NOX3: variants seen among roughly 807,000 people sequenced by gnomAD.
NOX3 encodes the protein NADPH oxidase 3, also known as NADPH oxidase catalytic subunit-like 3.
In NOX3, 74 loss-of-function variants were observed where a neutral mutation model predicts 76.7. The observed-to-expected ratio is 0.96, with a 90% CI of 0.80 to 1.17. The LOEUF (loss-of-function observed/expected upper bound fraction) is 1.17, where lower values mean the gene tolerates loss of function less well. Among genes scored for constraint, NOX3 ranks in the 50% most tolerant of loss-of-function variants. The probability of loss-of-function intolerance (pLI) is 0.00; values close to 1 mark genes in which losing one functional copy is unlikely to be tolerated. For missense variants in NOX3, 695 were observed against 703.3 expected (o/e 0.99, Z 0.13); for synonymous variants, 263 against 261.1 (o/e 1.01, Z -0.07).
At chr6:155,428,593 T>C (rs560992477) in intron 9 of NOX3, among the ~76,000 whole-genome samples, 127 of 151,200 alleles carry the variant, frequency 8.4e-4, no homozygotes, top group African/African-American at 2.8e-3. Context: ...TTTCTTTTTT[T>C]TTTTTTTTTT....
At position 155,430,887 on chromosome 6, in the gene NOX3, T is replaced by A. The variant is rs1241300456; in HGVS notation, c.847A>T (p.Ile283Leu). The A allele has an allele frequency of 1.2e-6, 2 of 1,613,614 alleles. No homozygotes were observed. Among genetic ancestry groups the A allele is most frequent in the Non-Finnish European group, 1.7e-6 (2 of 1,179,640 alleles). Residue 283 changes from isoleucine to leucine, a missense_variant, in exon 8 of 14, where the codon ATA becomes TTA. Ile to Leu is a conservative substitution (Grantham distance 5). Transcript: ENST00000159060. ...GPVVLYACER[I>L]IRFWRFQQEV... ...TGTTGAAATCGCCAGAACCTAATTA[T>A]TCTTTCACATGCATACAAGACCACA...
intron 13 of NOX3, among the ~76,000 whole-genome samples, chr6:155,396,246 T>C (rs917968970): frequency 6.6e-6 from 1 of 152,194 alleles, no homozygotes; most frequent in African/African-American, 2.4e-5. Flanking sequence ...ATAACCTCCA[T>C]TGGTGATTTC....
chr6:155,408,872 A>G (rs985416379), intron 11 of NOX3, among the ~76,000 whole-genome samples: 2 of 151,862 alleles, frequency 1.3e-5, no homozygotes. Flanking sequence ...AATACTCTAT[A>G]TTCTCACTTA....
intron 10 of NOX3, among the ~76,000 whole-genome samples, chr6:155,414,461 T>G (rs1776597293): frequency 1.3e-5 from 2 of 152,168 alleles, no homozygotes. Context: ...CAGAATTTCA[T>G]AGCTGATCTC....
At chr6:155,398,957 G>A (rs537746701) in intron 12 of NOX3, among the ~76,000 whole-genome samples, 27 of 152,324 alleles carry the variant, frequency 1.8e-4, no homozygotes, top group African/African-American at 5.1e-4. Context: ...TTTCCCACGC[G>A]ATGGCTATTG....
At chr6:155,420,979 G>A (rs231948) in intron 10 of NOX3, among the ~76,000 whole-genome samples, 81,008 of 151,976 alleles carry the variant, frequency 0.53, 22,070 homozygotes, top group East Asian at 0.81. Flanking sequence ...TTATTTCTCC[G>A]TTATGTGGAT....
chr6:155,455,621 T>C lies in NOX3; in HGVS notation c.48+132A>G, dbSNP rs1421466914. On this transcript the variant is annotated intron_variant, in intron 1 of 13. Transcript: ENST00000159060. ...GGAAATTAAATACATCTACTGAATG[T>C]TTTCTAACAAGTTTTAGTCTTTTAA... 6.4e-6 allele frequency: 4 copies of C among 622,148 alleles called. No homozygotes were observed. The African/African-American group carries it at 7.4e-5, about 11-fold the overall frequency. The allele number at this position is 622,148 out of a possible 1,614,324, so 38.5% of individuals were successfully genotyped here. A position where few individuals can be genotyped will look rare whatever the true frequency, so the allele number is the denominator to read the frequency against.
chr6:155,454,221 C>A (rs886068076), intron 3 of NOX3, among the ~76,000 whole-genome samples: 2 of 152,036 alleles, frequency 1.3e-5, no homozygotes, highest in Non-Finnish European at 2.9e-5. Context: ...CTGAGAAGAA[C>A]AATAAGGGGA....
intron 10 of NOX3, among the ~76,000 whole-genome samples, chr6:155,413,871 T>A (rs981067782): frequency 2.6e-5 from 4 of 152,190 alleles, no homozygotes; most frequent in African/African-American, 9.7e-5. Context: ...ACCAGAACAT[T>A]TGCTTTATAA....
intron 9 of NOX3, among the ~76,000 whole-genome samples, chr6:155,425,120 G>A (rs1437017238): frequency 6.6e-6 from 1 of 152,160 alleles, no homozygotes; most frequent in Non-Finnish European, 1.5e-5. Flanking sequence ...TAGACAATTT[G>A]TTCTCATGTC....
chr6:155,427,943 C>T (rs903640253), intron 9 of NOX3, among the ~76,000 whole-genome samples: 4 of 152,160 alleles, frequency 2.6e-5, no homozygotes, highest in Non-Finnish European at 5.9e-5. Context: ...CTCTGTCACC[C>T]AGGCTGGAGT....
At chr6:155,419,550 C>T (rs1239338043) in intron 10 of NOX3, among the ~76,000 whole-genome samples, 1 of 152,140 alleles carries the variant, frequency 6.6e-6, no homozygotes, top group East Asian at 1.9e-4. Context: ...TTATTTTCAC[C>T]TGAGTCGTGT....
At chr6:155,440,807 T>A (rs985278467) in intron 5 of NOX3, among the ~76,000 whole-genome samples, 1 of 152,222 alleles carries the variant, frequency 6.6e-6, no homozygotes, top group East Asian at 1.9e-4. Context: ...AAAATAACTA[T>A]GTGGATCACC....
At chr6:155,426,981 T>C (rs1046092425) in intron 9 of NOX3, among the ~76,000 whole-genome samples, 2 of 40,754 alleles carry the variant, frequency 4.9e-5, no homozygotes, top group African/African-American at 2.0e-4. Flanking sequence ...TTAGACACTG[T>C]GGCGTGTGTG....
intron 9 of NOX3, among the ~76,000 whole-genome samples, chr6:155,426,705 A>AAC (rs776384591): frequency 2.6e-5 from 4 of 152,094 alleles, no homozygotes; most frequent in Non-Finnish European, 5.9e-5. Flanking sequence ...CAGGAGGTGG[A>AAC]ACAGATGAGC....
chr6:155,450,119 C>A (rs1777115337), intron 4 of NOX3, among the ~76,000 whole-genome samples: 1 of 152,162 alleles, frequency 6.6e-6, no homozygotes, highest in Admixed American at 6.5e-5. Flanking sequence ...GGATGAGGGG[C>A]ACTTTGCTCT....
At chr6:155,423,799 G>A (rs1776722839) in intron 9 of NOX3, among the ~76,000 whole-genome samples, 1 of 145,884 alleles carries the variant, frequency 6.9e-6, no homozygotes, top group Non-Finnish European at 1.5e-5. Flanking sequence ...GGAGTGCAGT[G>A]ATGCGATCTC....
intron 5 of NOX3, among the ~76,000 whole-genome samples, chr6:155,440,633 C>T (rs962097684): frequency 4.7e-5 from 7 of 149,012 alleles, no homozygotes; most frequent in African/African-American, 1.5e-4. Context: ...AGAGTGAGAC[C>T]CTGTGTCTAA....
intron 10 of NOX3, among the ~76,000 whole-genome samples, chr6:155,412,175 C>A (rs1776560224): frequency 6.6e-6 from 1 of 152,120 alleles, no homozygotes; most frequent in Admixed American, 6.5e-5. Context: ...TGCCTTCTCC[C>A]CAAAGAGACA....
Sources: gnomAD v4.1 joint callset for allele counts (sites outside exome capture counted in the v4.1 genomes callset) on GRCh38, gnomAD v4.1.1 for gene constraint, MANE v1.5 for transcripts, NCBI Gene and HGNC (gene_info 2026-07-23, HGNC 2026-07-21) for gene names.